GRID1: variants seen among roughly 807,000 people sequenced by gnomAD.
The protein encoded by GRID1 is glutamate receptor ionotropic, delta-1.
Under a neutral mutation model 98.0 loss-of-function variants are expected in GRID1, and 28 were observed. That is an observed-to-expected ratio of 0.29 (90% confidence interval 0.21 to 0.39). The LOEUF (loss-of-function observed/expected upper bound fraction) is 0.39. Among genes scored for constraint, GRID1 ranks in the 10% least tolerant of loss-of-function variants. The pLI, the probability that GRID1 is intolerant of heterozygous loss-of-function variation, is 1.00. For synonymous variants in GRID1, 553 were observed against 538.5 expected (o/e 1.03, Z -0.37); for missense variants, 1,111 against 1,340.5 (o/e 0.83, Z 2.67).
At chr10:86,322,785 G>A (rs1451041029) in intron 2 of GRID1, among the ~76,000 whole-genome samples, 1 of 151,002 alleles carries the variant, frequency 6.6e-6, no homozygotes, top group East Asian at 1.9e-4. Flanking sequence ...GGCACAGAGT[G>A]GTGAAATTTC....
intron 4 of GRID1, among the ~76,000 whole-genome samples, chr10:86,007,025 G>A (rs1265307287): frequency 6.6e-6 from 1 of 152,090 alleles, no homozygotes; most frequent in African/African-American, 2.4e-5. Flanking sequence ...GGAAGCAGGG[G>A]TCACACTCCG....
At chr10:86,174,587 G>A (rs1240779589) in intron 3 of GRID1, among the ~76,000 whole-genome samples, 1 of 152,190 alleles carries the variant, frequency 6.6e-6, no homozygotes, top group African/African-American at 2.4e-5. Flanking sequence ...CATGGGCAAG[G>A]ACTTCATGTC....
At chr10:85,755,389 G>A (rs535800985) in intron 8 of GRID1, among the ~76,000 whole-genome samples, 1 of 152,262 alleles carries the variant, frequency 6.6e-6, no homozygotes, top group African/African-American at 2.4e-5. Context: ...CGTGGTTTCC[G>A]TCCTTGGTTC....
chr10:85,842,911 C>T (rs1320307860), intron 8 of GRID1, among the ~76,000 whole-genome samples: 1 of 151,822 alleles, frequency 6.6e-6, no homozygotes, highest in Non-Finnish European at 1.5e-5. Context: ...ACCCTGATGC[C>T]TAAAGCAGAT....
intron 3 of GRID1, among the ~76,000 whole-genome samples, chr10:86,158,265 C>T (rs1845273457): frequency 6.6e-6 from 1 of 152,168 alleles, no homozygotes; most frequent in Non-Finnish European, 1.5e-5. Flanking sequence ...CCTCTCTGCA[C>T]CTTAGTCTCC....
intron 4 of GRID1, among the ~76,000 whole-genome samples, chr10:86,036,420 T>C (rs1843262158): frequency 6.6e-6 from 1 of 152,150 alleles, no homozygotes; most frequent in East Asian, 1.9e-4. Context: ...CCCTGGCAGA[T>C]TTCCCAAGGA....
chr10:86,237,982 G>A (rs1219221298), intron 2 of GRID1, among the ~76,000 whole-genome samples: 1 of 152,178 alleles, frequency 6.6e-6, no homozygotes, highest in Non-Finnish European at 1.5e-5. Context: ...ATGTAGAAGC[G>A]ACTTTGGAAC....
chr10:85,684,978 A>T lies in GRID1; in HGVS notation c.1998-37581T>A, dbSNP rs111365850. Among the ~76,000 whole-genome samples the T allele has an allele frequency of 2.9e-3, 444 of 152,334 alleles. 4 individuals are homozygous for T. The highest frequency in any genetic ancestry group is 9.8e-3 in the African/African-American group (408 of 41,590). The stretch of plus-strand genomic sequence containing the variant: ...ATTACTTCCTAAAGACTCTGTCTCC[A>T]GATATTTACCACACTAGGGGTTAGG... On this transcript the variant is annotated intron_variant, in intron 12 of 15. Transcript: ENST00000327946.
Position 85,602,107 on chromosome 10 carries a change from C to T in GRID1, c.*166G>A. On this transcript the variant is annotated 3_prime_UTR_variant, in exon 16 of 16. Coordinates refer to ENST00000327946, the MANE Select transcript of GRID1 (RefSeq NM_017551.3). ...GGGAATATTCAAAATACACTTTTACCCCACTCCATTCTGTCATTATTTACA... is the reference window on the plus strand; with the variant it reads ...GGGAATATTCAAAATACACTTTTACTCCACTCCATTCTGTCATTATTTACA... The T allele has an allele frequency of 4.1e-6, 2 of 483,026 alleles. No homozygotes were observed. The highest frequency in any genetic ancestry group is 7.2e-6 in the Non-Finnish European group (2 of 276,746). 29.9% of individuals were successfully genotyped at this position (483,026 alleles called of 1,614,324 possible). A position where few individuals can be genotyped will look rare whatever the true frequency, so the allele number is the denominator to read the frequency against.
intron 4 of GRID1, among the ~76,000 whole-genome samples, chr10:86,008,414 A>G (rs1484810172): frequency 1.3e-5 from 2 of 152,242 alleles, no homozygotes; most frequent in African/African-American, 4.8e-5. Context: ...TAAATTTTAC[A>G]ATATCCAAAT....
intron 13 of GRID1, among the ~76,000 whole-genome samples, chr10:85,636,046 A>G (rs1843036754): frequency 6.6e-6 from 1 of 152,356 alleles, no homozygotes; most frequent in South Asian, 2.1e-4. Flanking sequence ...CTGAAGCACA[A>G]TAGACTTGAT....
chr10:85,763,274 C>T (rs72841479), intron 8 of GRID1, among the ~76,000 whole-genome samples: 1,810 of 152,280 alleles, frequency 0.012, 14 homozygotes, highest in Non-Finnish European at 0.019. Context: ...CCCAAGGATG[C>T]CCACTGAGAT....
At chr10:85,748,933 G>C (rs1842022195) in intron 8 of GRID1, among the ~76,000 whole-genome samples, 1 of 152,040 alleles carries the variant, frequency 6.6e-6, no homozygotes, top group African/African-American at 2.4e-5. Flanking sequence ...TTAAGCCAAA[G>C]ATTTCAGAGT....
At chr10:85,661,152 G>T (rs1840961135) in intron 12 of GRID1, among the ~76,000 whole-genome samples, 4 of 151,540 alleles carry the variant, frequency 2.6e-5, no homozygotes, top group Admixed American at 2.6e-4. Context: ...CCTCCTGTTT[G>T]CCTGCTTTGA....
At chr10:85,970,070 G>C (rs1022329336) in intron 4 of GRID1, among the ~76,000 whole-genome samples, 1 of 151,560 alleles carries the variant, frequency 6.6e-6, no homozygotes, top group African/African-American at 2.4e-5. Context: ...CTAAATAAGC[G>C]AACTAGATAT....
intron 5 of GRID1, among the ~76,000 whole-genome samples, chr10:85,876,516 C>T (rs1282577209): frequency 6.6e-6 from 1 of 152,152 alleles, no homozygotes; most frequent in Non-Finnish European, 1.5e-5. Flanking sequence ...TGCAAAATGT[C>T]CTTTGCCATA....
intron 2 of GRID1, among the ~76,000 whole-genome samples, chr10:86,259,502 T>TCG (rs1322592462): frequency 2.4e-5 from 1 of 41,384 alleles, no homozygotes; most frequent in Non-Finnish European, 7.2e-5. Flanking sequence ...ACATACGAGG[T>TCG]TGTATATTAA....
chr10:85,814,924 C>A (rs1234313212), intron 8 of GRID1, among the ~76,000 whole-genome samples: 2 of 151,922 alleles, frequency 1.3e-5, no homozygotes, highest in Non-Finnish European at 2.9e-5. Context: ...GCATTATGCT[C>A]ATACCAAAAC....
chr10:86,255,661 G>A (rs748080722), intron 2 of GRID1, among the ~76,000 whole-genome samples: 18 of 152,322 alleles, frequency 1.2e-4, no homozygotes, highest in Admixed American at 3.3e-4. Flanking sequence ...CAGAGAGGAC[G>A]TGCACTGCCC....
Sources: gnomAD v4.1 joint callset for allele counts (sites outside exome capture counted in the v4.1 genomes callset) on GRCh38, gnomAD v4.1.1 for gene constraint, MANE v1.5 for transcripts, NCBI Gene and HGNC (gene_info 2026-07-23, HGNC 2026-07-21) for gene names.